DLC1: variants seen among roughly 807,000 people sequenced by gnomAD.
DLC1 encodes DLC1 Rho GTPase activating protein, also known as rho GTPase-activating protein 7.
A neutral mutation model predicts 140.3 loss-of-function variants in DLC1; 54 were observed. That is an observed-to-expected ratio of 0.38 (90% CI 0.31 to 0.48). DLC1 has a LOEUF of 0.48. Among genes scored for constraint, DLC1 ranks in the 20% least tolerant of loss-of-function variants. The probability of loss-of-function intolerance (pLI) is 0.96; values close to 1 mark genes in which losing one functional copy is unlikely to be tolerated. For synonymous variants in DLC1, 986 were observed against 728.1 expected, an observed-to-expected ratio of 1.35 and a Z score of -5.70; for missense variants, 2,536 against 1,907.0, an observed-to-expected ratio of 1.33 and a Z score of -6.14.
chr8:13,293,549 A>G (rs1020420082), intron 5 of DLC1, among the ~76,000 whole-genome samples: 2 of 152,214 alleles, frequency 1.3e-5, no homozygotes, highest in Admixed American at 6.5e-5. Flanking sequence ...ATTCAAAACT[A>G]TTTCTTGAGC....
At chr8:13,212,385 C>A (rs982084811) in intron 5 of DLC1, among the ~76,000 whole-genome samples, 4 of 152,180 alleles carry the variant, frequency 2.6e-5, no homozygotes, top group African/African-American at 9.6e-5. Flanking sequence ...GAATTACTCT[C>A]TGCTCTGCTA....
chr8:13,432,405 T>C (rs1450321930), intron 2 of DLC1, among the ~76,000 whole-genome samples: 1 of 152,150 alleles, frequency 6.6e-6, no homozygotes, highest in Non-Finnish European at 1.5e-5. Flanking sequence ...CGCTAAATGA[T>C]ACAATACATC....
At chr8:13,189,756 C>T (rs1048161473) in intron 5 of DLC1, among the ~76,000 whole-genome samples, 1 of 152,108 alleles carries the variant, frequency 6.6e-6, no homozygotes. Context: ...GTGGTACATG[C>T]CTGTAGTCCC....
At chr8:13,098,256 T>C in intron 10 of DLC1, 143 bp downstream of exon 10, 6 of 1,097,868 alleles carry the variant, frequency 5.5e-6, no homozygotes, top group African/African-American at 1.6e-5. Context: ...CAAACAAAAA[T>C]GCAGAGAGTG....
intron 2 of DLC1, among the ~76,000 whole-genome samples, chr8:13,404,180 G>A (rs775577893): frequency 7.2e-5 from 11 of 152,240 alleles, no homozygotes; most frequent in Non-Finnish European, 1.5e-4. Context: ...TGTTTGGGGA[G>A]CATATTTCTT....
chr8:13,475,010 G>A (rs553110124), intron 2 of DLC1, among the ~76,000 whole-genome samples: 42 of 151,980 alleles, frequency 2.8e-4, no homozygotes, highest in African/African-American at 9.4e-4. Context: ...AAAGAGTTTC[G>A]CCATATTGCC....
chr8:13,495,644 C>T (rs185784502), intron 2 of DLC1, among the ~76,000 whole-genome samples: 1 of 152,118 alleles, frequency 6.6e-6, no homozygotes, highest in Non-Finnish European at 1.5e-5. Context: ...ACATATACTA[C>T]AAATGTAATC....
intron 5 of DLC1, among the ~76,000 whole-genome samples, chr8:13,170,959 G>T (rs976751380): frequency 3.9e-5 from 6 of 152,124 alleles, no homozygotes; most frequent in African/African-American, 1.4e-4. Context: ...AGACCACTTT[G>T]CGACTGAGGG....
intron 5 of DLC1, among the ~76,000 whole-genome samples, chr8:13,224,525 G>C (rs1828700833): frequency 6.6e-6 from 1 of 152,176 alleles, no homozygotes; most frequent in Non-Finnish European, 1.5e-5. Context: ...AAAGGCACAG[G>C]TCTTAACGTG....
chr8:13,525,999 T>C (rs553331378), intron 1 of DLC1, among the ~76,000 whole-genome samples: 2 of 152,140 alleles, frequency 1.3e-5, no homozygotes, highest in East Asian at 3.9e-4. Context: ...TAATTTTTTA[T>C]ATGGTGAAAG....
rs539188629 is a variant in DLC1 at position 13,350,481 on chromosome 8, C to T, written c.1314+43072G>A. Among the ~76,000 whole-genome samples, 24 of 152,130 alleles carry T rather than the reference C, an allele frequency of 1.6e-4. No homozygotes were observed. The South Asian group carries it at 3.1e-3, about 20-fold the overall frequency. On this transcript the variant is annotated intron_variant, in intron 4 of 17. Transcript: ENST00000276297. ...CTGTAATCTCAGCACTTTGGAAAGC[C>T]GAGGCAGGTGGATCGCTTGAGGTCA...
At chr8:13,391,158 G>C (rs972866577) in intron 4 of DLC1, among the ~76,000 whole-genome samples, 1 of 150,146 alleles carries the variant, frequency 6.7e-6, no homozygotes, top group Non-Finnish European at 1.5e-5. Context: ...TAGTCCAGTA[G>C]CTGGACAGAG....
intron 4 of DLC1, among the ~76,000 whole-genome samples, chr8:13,357,300 G>C (rs527930677): frequency 4.9e-4 from 74 of 152,148 alleles, no homozygotes; most frequent in Non-Finnish European, 9.3e-4. Flanking sequence ...CCTGGCTCCA[G>C]AGATTACATC....
At chr8:13,586,818 A>G (rs1044316499) in intron 1 of DLC1, among the ~76,000 whole-genome samples, 1 of 152,082 alleles carries the variant, frequency 6.6e-6, no homozygotes, top group African/African-American at 2.4e-5. Flanking sequence ...GTGCCTATAG[A>G]TAGTATTCAA....
chr8:13,232,639 A>G (rs566652172), intron 5 of DLC1, among the ~76,000 whole-genome samples: 11 of 152,282 alleles, frequency 7.2e-5, no homozygotes, highest in African/African-American at 2.6e-4. Flanking sequence ...CCTCTGCTAC[A>G]GTCTTGGCAT....
intron 5 of DLC1, among the ~76,000 whole-genome samples, chr8:13,129,606 A>C (rs910656451): frequency 6.6e-6 from 1 of 152,204 alleles, no homozygotes; most frequent in African/African-American, 2.4e-5. Flanking sequence ...CTCCCACTAG[A>C]TCCCAACTCA....
chr8:13,305,397 A>G, intron 4 of DLC1, 95 bp from the exon 5 acceptor site: 1 of 1,305,996 alleles, frequency 7.7e-7, no homozygotes, highest in Non-Finnish European at 1.0e-6. Context: ...TGACGCAAAA[A>G]TTAAATAGAG....
intron 5 of DLC1, among the ~76,000 whole-genome samples, chr8:13,293,677 T>C (rs1831845691): frequency 6.6e-6 from 1 of 152,102 alleles, no homozygotes; most frequent in Non-Finnish European, 1.5e-5. Flanking sequence ...CAGAAATACA[T>C]CACAGAAAAC....
chr8:13,467,879 A>G lies in DLC1; in HGVS notation c.1023+31170T>C, dbSNP rs550075142. ...CATATATAGATTTTTCTAATAGTAAAATGCCCATTCCATTTATTCCTGGGA... is the reference window on the plus strand; with the variant it reads ...CATATATAGATTTTTCTAATAGTAAGATGCCCATTCCATTTATTCCTGGGA... On this transcript the variant is annotated intron_variant, in intron 2 of 17. Coordinates refer to ENST00000276297, the MANE Select transcript of DLC1 (RefSeq NM_182643.3). 1.2e-3 allele frequency among the ~76,000 whole-genome samples: 184 copies of G among 152,324 alleles called. 7 individuals carry two copies. In the South Asian group the frequency reaches 0.036, roughly 30 times the overall value.
Sources: allele counts gnomAD v4.1 joint callset (sites outside exome capture counted in the v4.1 genomes callset), GRCh38; gene constraint gnomAD v4.1.1; transcripts MANE v1.5; gene names NCBI Gene and HGNC (gene_info 2026-07-23, HGNC 2026-07-21).